FSTL5: variants seen among roughly 807,000 people sequenced by gnomAD.
FSTL5 encodes follistatin like 5, also known as follistatin-related protein 5.
A neutral mutation model predicts 89.1 loss-of-function variants in FSTL5; 62 were observed. The ratio of observed to expected loss-of-function variants is 0.70; its 90% CI spans 0.57 to 0.86. The LOEUF is 0.86. FSTL5 is among the 40% of genes least tolerant of loss of function. The pLI is 0.00. For synonymous variants in FSTL5, 383 were observed against 346.2 expected (o/e 1.11, Z -1.18); for missense variants, 1,057 against 1,001.6 (o/e 1.06, Z -0.75).
intron 13 of FSTL5, among the ~76,000 whole-genome samples, chr4:161,471,895 T>C (rs1256562077): frequency 6.6e-6 from 1 of 152,148 alleles, no homozygotes; most frequent in Non-Finnish European, 1.5e-5. Context: ...ATAATAGTAA[T>C]GGCCCCGCAT....
intron 8 of FSTL5, among the ~76,000 whole-genome samples, chr4:161,571,084 G>C (rs934945638): frequency 5.3e-5 from 8 of 151,934 alleles, no homozygotes; most frequent in African/African-American, 1.9e-4. Context: ...ATTCTAGCCT[G>C]GGTGACAGAG....
At chr4:162,140,010 A>C (rs1579058389) in intron 1 of FSTL5, among the ~76,000 whole-genome samples, 1 of 152,256 alleles carries the variant, frequency 6.6e-6, no homozygotes, top group Middle Eastern at 3.4e-3. Context: ...CGGTAAAAGA[A>C]ACTCATTGAT....
chr4:161,866,771 G>A (rs1269382781), intron 4 of FSTL5, among the ~76,000 whole-genome samples: 1 of 151,646 alleles, frequency 6.6e-6, no homozygotes, highest in Non-Finnish European at 1.5e-5. Context: ...TGTTTTTACT[G>A]TAGCTTTCTA....
At chr4:162,153,737 T>A (rs1733345474) in intron 1 of FSTL5, among the ~76,000 whole-genome samples, 1 of 87,088 alleles carries the variant, frequency 1.1e-5, no homozygotes, top group African/African-American at 3.7e-5. Flanking sequence ...TGTATATATG[T>A]ATATAATAAT....
At chr4:161,564,994 T>C (rs531538039) in intron 8 of FSTL5, among the ~76,000 whole-genome samples, 7 of 152,042 alleles carry the variant, frequency 4.6e-5, no homozygotes, top group African/African-American at 1.2e-4. Context: ...CAAAATTATA[T>C]GTATTTTGTT....
intron 7 of FSTL5, among the ~76,000 whole-genome samples, chr4:161,640,548 C>T (rs545486837): frequency 6.6e-6 from 1 of 152,154 alleles, no homozygotes; most frequent in South Asian, 2.1e-4. Flanking sequence ...GATTCAAATG[C>T]AGATTTTAAC....
At chr4:161,553,092 T>G (rs963818172) in intron 8 of FSTL5, among the ~76,000 whole-genome samples, 2 of 151,712 alleles carry the variant, frequency 1.3e-5, no homozygotes, top group Non-Finnish European at 3.0e-5. Flanking sequence ...CCTAACATTT[T>G]ATGAAAATGT....
intron 2 of FSTL5, among the ~76,000 whole-genome samples, chr4:162,084,814 C>T (rs1172859083): frequency 2.6e-5 from 4 of 151,982 alleles, no homozygotes; most frequent in Non-Finnish European, 4.4e-5. Context: ...AGGAGAAATA[C>T]CTAATGTACA....
chr4:161,643,864 G>A (rs1736048370), intron 7 of FSTL5, among the ~76,000 whole-genome samples: 1 of 145,930 alleles, frequency 6.9e-6, no homozygotes, highest in African/African-American at 2.4e-5. Flanking sequence ...AAATAAGATA[G>A]TCCAGAAAAA....
At chr4:161,995,277 A>C (rs1736255005) in intron 3 of FSTL5, among the ~76,000 whole-genome samples, 1 of 152,122 alleles carries the variant, frequency 6.6e-6, no homozygotes, top group Admixed American at 6.5e-5. Flanking sequence ...AGCATTAGTT[A>C]CTTAGAACTA....
intron 7 of FSTL5, among the ~76,000 whole-genome samples, chr4:161,607,530 T>C (rs566625657): frequency 1.3e-5 from 2 of 152,338 alleles, no homozygotes; most frequent in African/African-American, 4.8e-5. Flanking sequence ...TATTAAAAAC[T>C]TTCTCTAAGA....
At chr4:161,812,460 C>T (rs1730179140) in intron 4 of FSTL5, among the ~76,000 whole-genome samples, 1 of 151,970 alleles carries the variant, frequency 6.6e-6, no homozygotes, top group Admixed American at 6.6e-5. Context: ...AGTTGTGTGA[C>T]TTTGTACAAA....
At position 161,500,019 on chromosome 4, in the gene FSTL5, A is replaced by G. The variant is rs749962171; in HGVS notation, c.1455T>C (p.Phe485=). ...AAGGAACTTTTTAGATACTTGCCTG[A>G]AATCCAAGGAGCTTTTCACTAGGCT... ...HIKPSEKLLG[F]QDEVCPKAEG... Residue 485 remains phenylalanine, a synonymous_variant, in exon 12 of 16, where the codon TTT becomes TTC. Transcript: ENST00000306100. 3 of 1,581,510 alleles carry G rather than the reference A, an allele frequency of 1.9e-6. No individual in the cohort carries two copies. The South Asian group carries it at 3.4e-5, about 18-fold the overall frequency.
intron 13 of FSTL5, among the ~76,000 whole-genome samples, chr4:161,461,196 C>T (rs1424396563): frequency 6.6e-6 from 1 of 151,406 alleles, no homozygotes; most frequent in African/African-American, 2.4e-5. Flanking sequence ...GTGGCTCACG[C>T]CTGTAGTCCC....
intron 15 of FSTL5, among the ~76,000 whole-genome samples, chr4:161,437,210 G>C (rs1451552799): frequency 1.3e-5 from 2 of 152,106 alleles, no homozygotes; most frequent in African/African-American, 4.8e-5. Context: ...GGTGGAAGGA[G>C]AGATCACTGC....
intron 3 of FSTL5, among the ~76,000 whole-genome samples, chr4:161,929,685 G>GTGTGTGTGTATA (rs1553983474): frequency 0.018 from 2,675 of 149,188 alleles, 73 homozygotes; most frequent in African/African-American, 0.045. Context: ...GTGTGTGTGT[G>GTGTGTGTGTATA]TGTGTGTGTG....
intron 8 of FSTL5, among the ~76,000 whole-genome samples, chr4:161,551,045 T>G (rs1314820337): frequency 6.6e-6 from 1 of 152,034 alleles, no homozygotes; most frequent in East Asian, 1.9e-4. Context: ...AATAAACATA[T>G]GTGTGTGTAT....
intron 15 of FSTL5, among the ~76,000 whole-genome samples, chr4:161,388,623 G>T (rs375106621): frequency 7.8e-4 from 119 of 152,052 alleles, no homozygotes; most frequent in African/African-American, 2.5e-3. Context: ...AAATATATTG[G>T]CATTATTTGC....
intron 4 of FSTL5, among the ~76,000 whole-genome samples, chr4:161,865,754 ATATTATATTGAAAT>A (rs1301598396): frequency 6.6e-6 from 1 of 152,078 alleles, no homozygotes; most frequent in Non-Finnish European, 1.5e-5. Flanking sequence ...TTAGATTGCT[ATATTATATTGAAAT>A]TTACTATCTC....
Sources: gnomAD v4.1 joint callset for allele counts (sites outside exome capture counted in the v4.1 genomes callset) on GRCh38, gnomAD v4.1.1 for gene constraint, MANE v1.5 for transcripts, NCBI Gene and HGNC (gene_info 2026-07-23, HGNC 2026-07-21) for gene names.